Variants in SYNJ2BP observed in about 807,000 individuals in gnomAD.
SYNJ2BP encodes the protein synaptojanin-2-binding protein.
A neutral mutation model predicts 16.9 loss-of-function variants in SYNJ2BP; 10 were observed. That is an observed-to-expected ratio of 0.59 (90% CI 0.36 to 1.00). SYNJ2BP has a LOEUF of 1.00. Ranked by LOEUF, SYNJ2BP falls within the 50% of genes least tolerant of loss-of-function variation. The pLI is 0.01. For synonymous variants in SYNJ2BP, 54 were observed against 68.4 expected (o/e 0.79, Z 1.04); for missense variants, 162 against 186.7 (o/e 0.87, Z 0.77).
chr14:70,386,558 T>A (rs1887863894), intron 2 of SYNJ2BP, among the ~76,000 whole-genome samples: 1 of 152,200 alleles, frequency 6.6e-6, no homozygotes, highest in African/African-American at 2.4e-5. Flanking sequence ...AGTCACAGTC[T>A]TCCTGAAGAG....
intron 1 of SYNJ2BP, among the ~76,000 whole-genome samples, chr14:70,396,779 G>A (rs1185909142): frequency 6.6e-6 from 1 of 152,120 alleles, no homozygotes; most frequent in Non-Finnish European, 1.5e-5. Context: ...TTGGCCATTT[G>A]TATTACCTTC....
chr14:70,399,388 G>A (rs916106765), intron 1 of SYNJ2BP, among the ~76,000 whole-genome samples: 4 of 152,160 alleles, frequency 2.6e-5, no homozygotes, highest in Non-Finnish European at 5.9e-5. Context: ...ATGGAGCAAG[G>A]CACTGCCCGG....
At chr14:70,395,481 C>A (rs1188512435) in intron 1 of SYNJ2BP, among the ~76,000 whole-genome samples, 1 of 150,080 alleles carries the variant, frequency 6.7e-6, no homozygotes, top group Non-Finnish European at 1.5e-5. Context: ...TACACAACCC[C>A]CCTGTCTGTC....
At chr14:70,400,673 T>C (rs1450244868) in intron 1 of SYNJ2BP, among the ~76,000 whole-genome samples, 3 of 152,190 alleles carry the variant, frequency 2.0e-5, no homozygotes, top group African/African-American at 7.2e-5. Context: ...GGCAAAAATG[T>C]ATATTCCCAT....
rs1887459508 is a variant in SYNJ2BP at position 70,369,106 on chromosome 14, GTTTT to G, written c.*3881_*3884del. 1 of 151,954 alleles carries G rather than the reference GTTTT, an allele frequency of 6.6e-6. No individual in the cohort carries two copies. Among genetic ancestry groups the G allele is most frequent in the African/African-American group, 2.4e-5 (1 of 41,326 alleles). The allele number at this position is 151,954 out of a possible 1,614,324, so 9.4% of individuals were successfully genotyped here. ...TTTCTCTTCTGGGAACTTGCTTTTTGTTTTTTGTTTGTTTGTTTTTTTGTTTTTG... is the reference window on the plus strand; with the variant it reads ...TTTCTCTTCTGGGAACTTGCTTTTTGTTGTTTGTTTGTTTTTTTGTTTTTG... On this transcript the variant is annotated 3_prime_UTR_variant, in exon 4 of 4. Transcript: ENST00000256366.
At chr14:70,403,788 A>G (rs893879626) in intron 1 of SYNJ2BP, among the ~76,000 whole-genome samples, 6 of 152,210 alleles carry the variant, frequency 3.9e-5, no homozygotes, top group African/African-American at 1.4e-4. Context: ...ACTTGTTTTC[A>G]CTTTATGGAC....
chr14:70,397,601 C>A (rs1287158286), intron 1 of SYNJ2BP, among the ~76,000 whole-genome samples: 2 of 152,222 alleles, frequency 1.3e-5, no homozygotes, highest in Non-Finnish European at 2.9e-5. Context: ...GCTTCTACAG[C>A]TGGCACTGGG....
At chr14:70,395,179 C>CA (rs1888064076) in intron 1 of SYNJ2BP, among the ~76,000 whole-genome samples, 1 of 152,180 alleles carries the variant, frequency 6.6e-6, no homozygotes, top group Admixed American at 6.5e-5. Context: ...TAACTGTTGT[C>CA]AAGGTTCCTA....
chr14:70,384,344 A>G (rs992609069), intron 2 of SYNJ2BP, among the ~76,000 whole-genome samples: 8 of 152,224 alleles, frequency 5.3e-5, no homozygotes, highest in African/African-American at 1.4e-4. Context: ...AGGAAAATAC[A>G]TAAAAACTAA....
At chr14:70,406,024 C>T (rs1229663118) in intron 1 of SYNJ2BP, among the ~76,000 whole-genome samples, 1 of 152,172 alleles carries the variant, frequency 6.6e-6, no homozygotes, top group African/African-American at 2.4e-5. Context: ...ATTTGACATG[C>T]TTTCCAAAAC....
At chr14:70,404,943 T>C (rs920734220) in intron 1 of SYNJ2BP, among the ~76,000 whole-genome samples, 2 of 152,098 alleles carry the variant, frequency 1.3e-5, no homozygotes, top group Non-Finnish European at 2.9e-5. Context: ...CTGGGCAACA[T>C]GGCAAAACCC....
intron 1 of SYNJ2BP, among the ~76,000 whole-genome samples, chr14:70,397,156 AAT>A (rs1272431645): frequency 2.6e-5 from 4 of 152,162 alleles, no homozygotes; most frequent in African/African-American, 9.7e-5. Context: ...TTTTGTACAT[AAT>A]GTTAAGGCAA....
chr14:70,374,885 TTTAA>T (rs1424287386), intron 3 of SYNJ2BP, among the ~76,000 whole-genome samples: 1 of 151,994 alleles, frequency 6.6e-6, no homozygotes, highest in Non-Finnish European at 1.5e-5. Flanking sequence ...TTACCATCTT[TTTAA>T]TTAATTAATT....
intron 2 of SYNJ2BP, among the ~76,000 whole-genome samples, chr14:70,383,166 C>T (rs1417960775): frequency 1.3e-5 from 2 of 152,116 alleles, no homozygotes; most frequent in Non-Finnish European, 2.9e-5. Flanking sequence ...TTATTAGATG[C>T]TTACTCAGGG....
At chr14:70,402,225 C>A (rs1332042019) in intron 1 of SYNJ2BP, among the ~76,000 whole-genome samples, 2 of 152,082 alleles carry the variant, frequency 1.3e-5, no homozygotes, top group Non-Finnish European at 2.9e-5. Flanking sequence ...TGAAAGAGAC[C>A]TTTGTGTATG....
At position 70,369,433 on chromosome 14, in the gene SYNJ2BP, G is replaced by A. The variant is rs1383597148; in HGVS notation, c.*3558C>T. 1.2e-4 allele frequency: 18 copies of A among 152,194 alleles called. No individual in the cohort carries two copies. Among genetic ancestry groups the A allele is most frequent in the Non-Finnish European group, 1.5e-4 (10 of 68,046 alleles). 9.4% of individuals were successfully genotyped at this position (152,194 alleles called of 1,614,324 possible). A position where few individuals can be genotyped will look rare whatever the true frequency, so the allele number is the denominator to read the frequency against. On this transcript the variant is annotated 3_prime_UTR_variant, in exon 4 of 4. Coordinates refer to ENST00000256366, the MANE Select transcript of SYNJ2BP (RefSeq NM_018373.3). Reference sequence around the variant, plus strand: ...TTCTAACAAGTTCCCCAGTAACGCTGATGCTTTTGTCAGGACCTTGCTTTG... The same window carrying A: ...TTCTAACAAGTTCCCCAGTAACGCTAATGCTTTTGTCAGGACCTTGCTTTG...
chr14:70,414,491 A>G (rs1352024289), intron 1 of SYNJ2BP, among the ~76,000 whole-genome samples: 2 of 152,238 alleles, frequency 1.3e-5, no homozygotes, highest in Non-Finnish European at 2.9e-5. Context: ...TAGGAAATTT[A>G]TGACTACAAA....
At chr14:70,395,469 G>T (rs796670080) in intron 1 of SYNJ2BP, among the ~76,000 whole-genome samples, 50 of 150,140 alleles carry the variant, frequency 3.3e-4, no homozygotes, top group African/African-American at 1.2e-3. Context: ...AACTCCATTG[G>T]ATACACAACC....
Position 70,406,175 on chromosome 14 carries a change from C to A in SYNJ2BP, c.64+10725G>T, listed in dbSNP as rs1384281896. ...ATAAGCAGGGCAGGAGGGGGCCTAC[C>A]ACCACACACACACACCAGGAACGTC... On this transcript the variant is annotated intron_variant, in intron 1 of 3. Coordinates refer to ENST00000256366, the MANE Select transcript of SYNJ2BP (RefSeq NM_018373.3). Among the ~76,000 whole-genome samples the A allele has an allele frequency of 2.0e-5, 3 of 152,268 alleles. No individual in the cohort carries two copies. The East Asian group carries it at 5.8e-4, about 29-fold the overall frequency.
Sources: allele counts gnomAD v4.1 joint callset (sites outside exome capture counted in the v4.1 genomes callset), GRCh38; gene constraint gnomAD v4.1.1; transcripts MANE v1.5; gene names NCBI Gene and HGNC (gene_info 2026-07-23, HGNC 2026-07-21).